The following AP1G1 variants were observed in gnomAD, a reference collection of about 807,000 sequenced individuals.
AP1G1 encodes the protein adaptor related protein complex 1 subunit gamma 1.
Under a neutral mutation model 108.3 loss-of-function variants are expected in AP1G1, and 7 were observed. That is an observed-to-expected ratio of 0.06 (90% CI 0.04 to 0.12). The LOEUF is 0.12. Among genes scored for constraint, AP1G1 ranks in the 10% least tolerant of loss-of-function variants. AP1G1 has a pLI of 1.00. For missense variants in AP1G1, 756 were observed against 1,010.7 expected, an observed-to-expected ratio of 0.75 and a Z score of 3.42; for synonymous variants, 379 against 353.5, an observed-to-expected ratio of 1.07 and a Z score of -0.81.
At chr16:71,755,968 TC>T (rs1391119674) in intron 12 of AP1G1, 50 bp downstream of exon 12, 2 of 1,574,558 alleles carry the variant, frequency 1.3e-6, no homozygotes, top group African/African-American at 2.7e-5. Context: ...TAAAGACACT[TC>T]CAAAAGTTCC....
intron 17 of AP1G1, among the ~76,000 whole-genome samples, chr16:71,746,355 A>G (rs186680692): frequency 3.0e-3 from 455 of 152,372 alleles, no homozygotes; most frequent in Non-Finnish European, 5.0e-3. Flanking sequence ...CAAACTTTCC[A>G]TATCAAAAAA....
chr16:71,732,876 G>C lies in AP1G1; in HGVS notation c.*182C>G, dbSNP rs1488762053. ...AGCAGCCAGCCTCAACAGTGGAGGAGAGGACATTAGTCTTTAACAATGCTT... is the reference window on the plus strand; with the variant it reads ...AGCAGCCAGCCTCAACAGTGGAGGACAGGACATTAGTCTTTAACAATGCTT... On this transcript the variant is annotated 3_prime_UTR_variant, in exon 23 of 23. Coordinates refer to ENST00000299980, the MANE Select transcript of AP1G1 (RefSeq NM_001128.6). 1 of 544,016 alleles carries C rather than the reference G, an allele frequency of 1.8e-6. No homozygotes were observed. Among genetic ancestry groups the C allele is most frequent in the East Asian group, 3.0e-5 (1 of 32,852 alleles). The allele number at this position is 544,016 out of a possible 1,614,324, so 33.7% of individuals were successfully genotyped here.
rs1397053657 is a variant in AP1G1 at position 71,745,753 on chromosome 16, T to C, written c.1731-139A>G. On this transcript the variant is annotated intron_variant, in intron 17 of 22. Transcript: ENST00000299980. ...CCAACACACACACTAAAATAGAAGG[T>C]AGATTACAAGAATACATGACCTAAA... 6.5e-6 allele frequency: 5 copies of C among 765,954 alleles called. No individual in the cohort carries two copies. In the South Asian group the frequency reaches 6.8e-5, roughly 10 times the overall value. The allele number at this position is 765,954 out of a possible 1,614,324, so 47.4% of individuals were successfully genotyped here.
intron 1 of AP1G1, among the ~76,000 whole-genome samples, chr16:71,805,378 G>A (rs916958041): frequency 2.6e-5 from 4 of 152,044 alleles, no homozygotes; most frequent in African/African-American, 9.7e-5. Context: ...GAATCCAGGA[G>A]GTGGAGGTTG....
At chr16:71,767,512 T>C (rs756634765) in intron 6 of AP1G1, among the ~76,000 whole-genome samples, 10 of 152,178 alleles carry the variant, frequency 6.6e-5, no homozygotes, top group Non-Finnish European at 1.3e-4. Flanking sequence ...TTCTAAAATA[T>C]CTACTTCAAA....
rs78635937 is a variant in AP1G1, at chr16:71,777,371, G to A, written c.202-2779C>T. Among the ~76,000 whole-genome samples the A allele has an allele frequency of 4.6e-4, 70 of 152,168 alleles. 1 individual carries two copies. In the East Asian group the frequency reaches 0.012, roughly 27 times the overall value. On this transcript the variant is annotated intron_variant, in intron 2 of 22. Coordinates refer to ENST00000299980, the MANE Select transcript of AP1G1 (RefSeq NM_001128.6). ...AAGAGAGAGGAGCAACTGGGGGCCA[G>A]CTGGGGAGCTCAGATGGAGTAGGTC...
In AP1G1 at chr16:71,764,140, C is replaced by T. The variant is rs112257742; in HGVS notation, c.918+210G>A. 7.0e-3 allele frequency among the ~76,000 whole-genome samples: 1,073 copies of T among 152,258 alleles called. 24 individuals carry two copies. Among genetic ancestry groups the T allele is most frequent in the African/African-American group, 0.025 (1,021 of 41,552 alleles). On this transcript the variant is annotated intron_variant, in intron 9 of 22. Coordinates refer to ENST00000299980, the MANE Select transcript of AP1G1 (RefSeq NM_001128.6). The stretch of plus-strand genomic sequence containing the variant: ...CAAATATATCTACTATATTGCTACA[C>T]CTGAGATCTCCCAAAGTTTATTATA...
chr16:71,794,850 T>C (rs1021750250), intron 1 of AP1G1, among the ~76,000 whole-genome samples: 1 of 143,648 alleles, frequency 7.0e-6, no homozygotes, highest in African/African-American at 2.6e-5. Flanking sequence ...TTTTTTTTTT[T>C]TTTTTTTTTT....
intron 11 of AP1G1, 83 bp from the exon 12 acceptor site, chr16:71,756,242 C>T (rs1015265019): frequency 8.0e-7 from 1 of 1,254,000 alleles, no homozygotes; most frequent in Non-Finnish European, 1.1e-6. Flanking sequence ...TCTGTGAACA[C>T]CAAGTACTGC....
chr16:71,743,865 G>C (rs1199303781), intron 19 of AP1G1, among the ~76,000 whole-genome samples: 2 of 148,642 alleles, frequency 1.3e-5, no homozygotes, highest in African/African-American at 5.0e-5. Flanking sequence ...AGACCTGCTT[G>C]AACCCAGGTT....
chr16:71,791,126 G>C (rs995389118), intron 1 of AP1G1, among the ~76,000 whole-genome samples: 1 of 151,578 alleles, frequency 6.6e-6, no homozygotes, highest in Admixed American at 6.6e-5. Flanking sequence ...GATACTGAGG[G>C]AGGAGGATTG....
chr16:71,774,375 G>C (rs1356457060), intron 3 of AP1G1, 93 bp downstream of exon 3: 1 of 1,424,610 alleles, frequency 7.0e-7, no homozygotes, highest in African/African-American at 1.5e-5. Flanking sequence ...CTTCACTCCA[G>C]CCTGGGCAAA....
intron 2 of AP1G1, among the ~76,000 whole-genome samples, chr16:71,779,449 T>TA (rs1436074152): frequency 6.6e-6 from 1 of 152,076 alleles, no homozygotes; most frequent in African/African-American, 2.4e-5. Flanking sequence ...CAAGCAGTTC[T>TA]CGTGCCTCAA....
At chr16:71,784,979 A>T (rs2032149113) in intron 2 of AP1G1, among the ~76,000 whole-genome samples, 1 of 149,402 alleles carries the variant, frequency 6.7e-6, no homozygotes, top group Non-Finnish European at 1.5e-5. Flanking sequence ...TGTAGTAAAA[A>T]GTTTTAAAAA....
rs866070664 is a variant in AP1G1, at chr16:71,731,687, G to C, written c.*1371C>G. 2 of 152,572 alleles carry C rather than the reference G, an allele frequency of 1.3e-5. No homozygotes were observed. Among genetic ancestry groups the C allele is most frequent in the Middle Eastern group, 3.4e-3 (1 of 294 alleles). 9.5% of individuals were successfully genotyped at this position (152,572 alleles called of 1,614,324 possible). On this transcript the variant is annotated 3_prime_UTR_variant, in exon 23 of 23. Coordinates refer to ENST00000299980, the MANE Select transcript of AP1G1 (RefSeq NM_001128.6). ...TATGGGTCCTTTCTAAAAAGCACTT[G>C]GCACTCTCACTAGTTTAAAAAGCTC...
chr16:71,758,742 G>A (rs541614042), intron 11 of AP1G1, 66 bp downstream of exon 11: 1 of 904,114 alleles, frequency 1.1e-6, no homozygotes, highest in Non-Finnish European at 1.8e-6. Flanking sequence ...GCGGCATAGA[G>A]CTATCAATAA....
intron 6 of AP1G1, among the ~76,000 whole-genome samples, chr16:71,766,940 G>A (rs1189772428): frequency 6.6e-6 from 1 of 151,986 alleles, no homozygotes; most frequent in East Asian, 1.9e-4. Context: ...GTCAACTATG[G>A]GCAAAGTTAT....
rs772411181 is a variant in AP1G1 at position 71,789,423 on chromosome 16, G to C, written c.57C>G (p.Thr19=). The change falls in exon 2 of 23, where the codon ACC becomes ACG. Residue 19 remains threonine (T), a synonymous_variant. Coordinates refer to ENST00000299980, the MANE Select transcript of AP1G1 (RefSeq NM_001128.6). ...GGATCATTTCTCGTTCTTCAGCTTG[G>C]GTTCGGGCTGTCCGGATGGTCCGGA... is the stretch of plus-strand genomic sequence containing the variant. ...ELIRTIRTAR[T]QAEEREMIQK... The C allele has an allele frequency of 2.5e-6, 4 of 1,614,032 alleles. No homozygotes were observed. The highest frequency in any genetic ancestry group is 3.4e-6 in the Non-Finnish European group (4 of 1,180,046).
intron 11 of AP1G1, 33 bp from the exon 12 acceptor site, chr16:71,756,192 A>T (rs1368429535): frequency 6.3e-7 from 1 of 1,590,662 alleles, no homozygotes; most frequent in Non-Finnish European, 8.6e-7. Context: ...AACAGTTAAG[A>T]AATTTATAGT....
Sources: allele counts gnomAD v4.1 joint callset (sites outside exome capture counted in the v4.1 genomes callset), GRCh38; gene constraint gnomAD v4.1.1; transcripts MANE v1.5; gene names NCBI Gene and HGNC (gene_info 2026-07-23, HGNC 2026-07-21).